Variants in ANKRD30A observed in about 807,000 individuals in gnomAD.
The protein encoded by ANKRD30A is ankyrin repeat domain 30A, also known as ankyrin repeat domain-containing protein 30A.
Under a neutral mutation model 166.3 loss-of-function variants are expected in ANKRD30A, and 170 were observed. The ratio of observed to expected loss-of-function variants is 1.02; its 90% CI spans 0.90 to 1.16. ANKRD30A has a LOEUF of 1.16. ANKRD30A is among the 50% of genes most tolerant of loss of function. The probability of loss-of-function intolerance (pLI) is 0.00; values close to 1 mark genes in which losing one functional copy is unlikely to be tolerated. For synonymous variants in ANKRD30A, 564 were observed against 508.9 expected, an observed-to-expected ratio of 1.11 and a Z score of -1.46; for missense variants, 1,630 against 1,518.0, an observed-to-expected ratio of 1.07 and a Z score of -1.23.
At position 37,125,648 on chromosome 10, in the gene ANKRD30A, T is replaced by C; in HGVS notation, c.-140T>C. 2.7e-6 allele frequency: 1 copy of C among 370,962 alleles called. No individual in the cohort carries two copies. The highest frequency in any genetic ancestry group is 5.0e-6 in the Non-Finnish European group (1 of 199,850). The allele number at this position is 370,962 out of a possible 1,614,324, so 23.0% of individuals were successfully genotyped here. ...AGAGAGGCCTGAGTGTGCAAGAGCTTGGCGAACACAGAACTTTTTACGGGT... is the reference window on the plus strand; with the variant it reads ...AGAGAGGCCTGAGTGTGCAAGAGCTCGGCGAACACAGAACTTTTTACGGGT... On this transcript the variant is annotated 5_prime_UTR_variant, in exon 1 of 36. Coordinates refer to ENST00000361713, the MANE Select transcript of ANKRD30A (RefSeq NM_052997.3).
rs532450955 is a variant in ANKRD30A at position 37,197,886 on chromosome 10, C to T, written c.2716+406C>T. ...ACTCGTGTTTTAACTTGAATTACCTCGTTTCCAGTGTTGTCACTTTGAGAA... is the reference window on the plus strand; with the variant it reads ...ACTCGTGTTTTAACTTGAATTACCTTGTTTCCAGTGTTGTCACTTTGAGAA... On this transcript the variant is annotated intron_variant, in intron 29 of 35. Coordinates refer to ENST00000361713, the MANE Select transcript of ANKRD30A (RefSeq NM_052997.3). Among the ~76,000 whole-genome samples, 24 of 152,086 alleles carry T rather than the reference C, an allele frequency of 1.6e-4. 1 individual carries two copies. Among genetic ancestry groups the T allele is most frequent in the South Asian group, 1.2e-3 (6 of 4,812 alleles).
At chr10:37,137,148 A>C (rs112752937) in intron 6 of ANKRD30A, among the ~76,000 whole-genome samples, 1 of 150,938 alleles carries the variant, frequency 6.6e-6, no homozygotes. Flanking sequence ...TTTATAAATA[A>C]ATTTTATTAC....
At chr10:37,156,497 G>C (rs1425207538) in intron 13 of ANKRD30A, among the ~76,000 whole-genome samples, 2 of 152,192 alleles carry the variant, frequency 1.3e-5, no homozygotes, top group Middle Eastern at 3.2e-3. Context: ...GGATTCTTAA[G>C]TGCCAAGTGA....
chr10:37,193,447 GA>G (rs985411286), intron 27 of ANKRD30A, among the ~76,000 whole-genome samples, 189 bp downstream of exon 27: 1 of 151,784 alleles, frequency 6.6e-6, no homozygotes, highest in Non-Finnish European at 1.5e-5. Flanking sequence ...TAGAGATTTA[GA>G]AAAAAAATTC....
downstream of ANKRD30A, chr10:37,232,693 T>TATATATATATATATATATATATAA (rs1491500759): frequency 2.6e-3 from 24 of 9,112 alleles, no homozygotes; most frequent in South Asian, 7.7e-3. Context: ...TATATATATA[T>TATATATATATATATATATATATAA]AAATAGAGAG....
At chr10:37,258,272 A>G in the ANKRD30A span, among the ~76,000 whole-genome samples, 1 of 152,226 alleles carries the variant, frequency 6.6e-6, no homozygotes, top group Non-Finnish European at 1.5e-5. Flanking sequence ...CTGTCAGGTA[A>G]TTTGAAAATT....
At chr10:37,177,909 C>T (rs1476222994) in intron 24 of ANKRD30A, among the ~76,000 whole-genome samples, 39 of 146,478 alleles carry the variant, frequency 2.7e-4, no homozygotes, top group South Asian at 4.4e-4. Flanking sequence ...TGTGTCTCAT[C>T]AGGCATTGGC....
In ANKRD30A at chr10:37,206,064, C is replaced by T. The variant is rs188543765; in HGVS notation, c.2869+4739C>T. Among the ~76,000 whole-genome samples, 16 of 151,954 alleles carry T rather than the reference C, an allele frequency of 1.1e-4. No individual in the cohort carries two copies. The East Asian group carries it at 1.9e-3, about 18-fold the overall frequency. ...AGCAAAAACAGAATTTATAGATGCACGATATTACTTCTGAACAAGAGAAAG... is the reference window on the plus strand; with the variant it reads ...AGCAAAAACAGAATTTATAGATGCATGATATTACTTCTGAACAAGAGAAAG... On this transcript the variant is annotated intron_variant, in intron 31 of 35. Transcript: ENST00000361713.
At chr10:37,242,648 T>G in the ANKRD30A span, among the ~76,000 whole-genome samples, 1 of 152,224 alleles carries the variant, frequency 6.6e-6, no homozygotes. Context: ...ACTTATGGCG[T>G]CAATAGTGGC....
At chr10:37,252,737 G>A in the ANKRD30A span, among the ~76,000 whole-genome samples, 1 of 149,784 alleles carries the variant, frequency 6.7e-6, no homozygotes, top group Non-Finnish European at 1.5e-5. Flanking sequence ...TCTCTTTTCT[G>A]TACCTCATCT....
Position 37,149,735 on chromosome 10 carries a change from T to C in ANKRD30A, c.1573-42T>C, listed in dbSNP as rs776383610. On this transcript the variant is annotated intron_variant, in intron 10 of 35. Coordinates refer to ENST00000361713, the MANE Select transcript of ANKRD30A (RefSeq NM_052997.3). ...ACTTATTAATTATGTATTTGTGAAG[T>C]ATACATTCTTTATTAATCATTTTGC... is the stretch of plus-strand genomic sequence containing the variant. 4 of 1,612,476 alleles carry C rather than the reference T, an allele frequency of 2.5e-6. No homozygotes were observed. In the African/African-American group the frequency reaches 4.0e-5, roughly 16 times the overall value.
intron 31 of ANKRD30A, among the ~76,000 whole-genome samples, chr10:37,206,016 AGAG>A (rs1175118979): frequency 6.6e-6 from 1 of 152,194 alleles, no homozygotes; most frequent in African/African-American, 2.4e-5. Context: ...TTTAGCCAGA[AGAG>A]GAGAAGAAAG....
chr10:37,153,377 C>G (rs17590336), intron 12 of ANKRD30A, among the ~76,000 whole-genome samples, 195 bp from the exon 13 acceptor site: 8 of 152,180 alleles, frequency 5.3e-5, no homozygotes, highest in Middle Eastern at 3.4e-3. Context: ...ATGTAAAGAT[C>G]AGCTTGATGT....
At chr10:37,167,112 T>C (rs1201757065) in intron 19 of ANKRD30A, among the ~76,000 whole-genome samples, 4 of 151,684 alleles carry the variant, frequency 2.6e-5, no homozygotes, top group Non-Finnish European at 5.9e-5. Flanking sequence ...AGCTAGATGA[T>C]TTTGGATTTT....
At chr10:37,194,502 G>T (rs1356581377) in intron 27 of ANKRD30A, among the ~76,000 whole-genome samples, 2 of 151,884 alleles carry the variant, frequency 1.3e-5, no homozygotes, top group Admixed American at 1.3e-4. Flanking sequence ...CACCACGCCT[G>T]GCTAATGTTT....
At position 37,133,902 on chromosome 10, in the gene ANKRD30A, CTT is replaced by C. The variant is rs751118641; in HGVS notation, c.618-12_618-11del. ...TCTGCTCATAATAATGAAGTTATCT[CTT>C]TGTTATTTTAGCACAGCCCTCATGC... On this transcript the variant is annotated splice_polypyrimidine_tract_variant and intron_variant, in intron 4 of 35. Coordinates refer to ENST00000361713, the MANE Select transcript of ANKRD30A (RefSeq NM_052997.3). 2.0e-5 allele frequency: 33 copies of C among 1,612,980 alleles called. No individual in the cohort carries two copies. The Middle Eastern group carries it at 6.6e-4, about 32-fold the overall frequency.
intron 31 of ANKRD30A, among the ~76,000 whole-genome samples, chr10:37,211,305 C>T (rs1842300794): frequency 6.6e-6 from 1 of 151,910 alleles, no homozygotes; most frequent in Admixed American, 6.6e-5. Flanking sequence ...CACAACAGGC[C>T]CTGGTGTGTG....
At chr10:37,144,153 G>A (rs1837347424) in intron 7 of ANKRD30A, among the ~76,000 whole-genome samples, 1 of 152,128 alleles carries the variant, frequency 6.6e-6, no homozygotes. Flanking sequence ...TTAAGGGGCT[G>A]TGTCTAACTA....
At chr10:37,232,697 T>TATATATATATATATATAGAG (rs1273812991), downstream of ANKRD30A, 1 of 78,400 alleles carries the variant, frequency 1.3e-5, no homozygotes, top group Non-Finnish European at 2.4e-5. Flanking sequence ...TATATATAAA[T>TATATATATATATATATAGAG]AGAGAGAGAG....
Sources: gnomAD v4.1 joint callset for allele counts (sites outside exome capture counted in the v4.1 genomes callset) on GRCh38, gnomAD v4.1.1 for gene constraint, MANE v1.5 for transcripts, NCBI Gene and HGNC (gene_info 2026-07-23, HGNC 2026-07-21) for gene names.